The following NPHP4 variants were observed in gnomAD, a reference collection of about 807,000 sequenced individuals.
NPHP4 encodes the protein nephrocystin-4.
Under a neutral mutation model 155.8 loss-of-function variants are expected in NPHP4, and 151 were observed. That is an observed-to-expected ratio of 0.97 (90% CI 0.85 to 1.11). NPHP4 has a LOEUF of 1.11. Ranked by LOEUF, NPHP4 falls within the 50% of genes least tolerant of loss-of-function variation. NPHP4 has a pLI of 0.00. For synonymous variants in NPHP4, 845 were observed against 816.8 expected (o/e 1.03, Z -0.59); for missense variants, 1,956 against 1,925.7 (o/e 1.02, Z -0.29).
chr1:5,872,747 A>C (rs1257359552), intron 23 of NPHP4, among the ~76,000 whole-genome samples: 1 of 152,252 alleles, frequency 6.6e-6, no homozygotes, highest in Non-Finnish European at 1.5e-5. Context: ...CTACCGAATA[A>C]AAAACAACCT....
At chr1:5,930,252 T>G (rs1156513721) in intron 10 of NPHP4, among the ~76,000 whole-genome samples, 1 of 152,218 alleles carries the variant, frequency 6.6e-6, no homozygotes, top group African/African-American at 2.4e-5. Flanking sequence ...CTTGTTTCAC[T>G]GGGTTTTTGC....
intron 11 of NPHP4, among the ~76,000 whole-genome samples, chr1:5,909,716 C>G (rs534856714): frequency 6.6e-6 from 1 of 152,284 alleles, no homozygotes; most frequent in South Asian, 2.1e-4. Flanking sequence ...ATTCTCCATG[C>G]AGGCCCGGTA....
chr1:5,948,211 T>C lies in NPHP4; in HGVS notation c.851A>G (p.Glu284Gly). Residue 284 changes from glutamate to glycine, a missense_variant, in exon 8 of 30, where the codon GAG becomes GGG. Glu to Gly is a moderately conservative substitution (Grantham distance 98, BLOSUM62 -2). Transcript: ENST00000378156. ...PLDGGALEIL[E>G]RRLRVGVHNG... ...GTGCACGCCCACACGCAGGCGCCGCTCCAGGATCTCCAGGGCACCACCGTC... is the reference window on the plus strand; with the variant it reads ...GTGCACGCCCACACGCAGGCGCCGCCCCAGGATCTCCAGGGCACCACCGTC... 6.3e-7 allele frequency: 1 copy of C among 1,596,410 alleles called. No individual in the cohort carries two copies. Among genetic ancestry groups the C allele is most frequent in the Non-Finnish European group, 8.5e-7 (1 of 1,173,778 alleles).
chr1:5,936,096 C>T (rs914930444), intron 9 of NPHP4, among the ~76,000 whole-genome samples: 1 of 152,144 alleles, frequency 6.6e-6, no homozygotes, highest in Non-Finnish European at 1.5e-5. Flanking sequence ...TCTAATTTTC[C>T]AATTTCACAG....
chr1:5,935,316 C>T (rs1646480955), intron 9 of NPHP4, among the ~76,000 whole-genome samples: 1 of 152,322 alleles, frequency 6.6e-6, no homozygotes, highest in East Asian at 1.9e-4. Context: ...GTTACTGCCA[C>T]ATTCACGCCC....
Position 5,863,885 on chromosome 1 carries a change from C to A in NPHP4, c.4140+5G>T. ...CTAGGAGTCCCAGGCACAGCCCCAC[C>A]ACACCTGGAAGGAGTCCTCTCTGAA... On this transcript the variant is annotated splice_donor_5th_base_variant and intron_variant, in intron 29 of 29. Transcript: ENST00000378156. 1 of 1,613,808 alleles carries A rather than the reference C, an allele frequency of 6.2e-7. No individual in the cohort carries two copies. Among genetic ancestry groups the A allele is most frequent in the Non-Finnish European group, 8.5e-7 (1 of 1,179,846 alleles).
chr1:5,985,296 G>A (rs747852851), intron 2 of NPHP4, among the ~76,000 whole-genome samples: 19 of 152,220 alleles, frequency 1.2e-4, no homozygotes, highest in Non-Finnish European at 1.8e-4. Context: ...CATTCCCACC[G>A]GCCACTGGGC....
chr1:5,974,265 C>T (rs1329461401), intron 3 of NPHP4, among the ~76,000 whole-genome samples: 2 of 152,192 alleles, frequency 1.3e-5, no homozygotes, highest in Non-Finnish European at 2.9e-5. Flanking sequence ...GCTGCTTTGG[C>T]GACACTGGGG....
At chr1:5,917,612 T>C (rs1645541888) in intron 11 of NPHP4, among the ~76,000 whole-genome samples, 1 of 152,192 alleles carries the variant, frequency 6.6e-6, no homozygotes, top group Admixed American at 6.5e-5. Context: ...GATTAATTCA[T>C]TCACTCTACA....
At chr1:5,936,014 A>G (rs1333983547) in intron 9 of NPHP4, among the ~76,000 whole-genome samples, 1 of 152,252 alleles carries the variant, frequency 6.6e-6, no homozygotes, top group African/African-American at 2.4e-5. Context: ...AAAACAAAAT[A>G]AAGTAAAATA....
In NPHP4 at chr1:5,958,184, A is replaced by G. The variant is rs1188540447; in HGVS notation, c.673+3610T>C. On this transcript the variant is annotated intron_variant, in intron 6 of 29. Coordinates refer to ENST00000378156, the MANE Select transcript of NPHP4 (RefSeq NM_015102.5). ...ACTTCGTGGTTTTAAAACGCTCTTT[A>G]GCATATTGTATAAAAGGGGCAAACA... 3.3e-5 allele frequency among the ~76,000 whole-genome samples: 5 copies of G among 152,380 alleles called. No homozygotes were observed. In the South Asian group the frequency reaches 8.3e-4, roughly 25 times the overall value.
chr1:5,898,587 G>A lies in NPHP4; in HGVS notation c.2143+6030C>T, dbSNP rs145343937. Among the ~76,000 whole-genome samples, 389 of 152,326 alleles carry A rather than the reference G, an allele frequency of 2.6e-3. 1 individual carries two copies. The highest frequency in any genetic ancestry group is 4.1e-3 in the Non-Finnish European group (276 of 68,024). ...CTCTGAGTGGATCTTCCTCCTGATC[G>A]GGACATGGCAAAGGCCTGGGAAGCT... On this transcript the variant is annotated intron_variant, in intron 16 of 29. Coordinates refer to ENST00000378156, the MANE Select transcript of NPHP4 (RefSeq NM_015102.5).
In NPHP4 at chr1:5,875,004, T is replaced by A; in HGVS notation, c.2914A>T (p.Ser972Cys). The change falls in exon 21 of 30, where the codon AGC (serine) becomes TGC (cysteine). Residue 972 changes from serine (S) to cysteine (C), a missense_variant. Physicochemically the swap from Ser to Cys is moderately radical, Grantham distance 112. Coordinates refer to ENST00000378156, the MANE Select transcript of NPHP4 (RefSeq NM_015102.5). ...GTGTGCTCCGTGGTGATGGCCAGGC[T>A]CAGCAGGCTGGCGATGCTCTCGGCC... ...TKAESIASLL[S>C]LAITTEHTLH... 1 of 1,612,108 alleles carries A rather than the reference T, an allele frequency of 6.2e-7. No homozygotes were observed. Among genetic ancestry groups the A allele is most frequent in the Non-Finnish European group, 8.5e-7 (1 of 1,179,864 alleles).
intron 16 of NPHP4, among the ~76,000 whole-genome samples, chr1:5,899,894 CT>C (rs565319805): frequency 1.3e-3 from 198 of 152,358 alleles, no homozygotes; most frequent in African/African-American, 4.4e-3. Flanking sequence ...AAAAAGACAT[CT>C]GTTCAGGTAT....
chr1:5,958,848 C>A (rs1198634084), intron 6 of NPHP4, among the ~76,000 whole-genome samples: 2 of 54,964 alleles, frequency 3.6e-5, no homozygotes, highest in East Asian at 6.2e-4. Context: ...AAGAGCCAGA[C>A]CCTGTCTCAA....
chr1:5,958,503 T>C (rs1171145098), intron 6 of NPHP4, among the ~76,000 whole-genome samples: 1 of 152,298 alleles, frequency 6.6e-6, no homozygotes, highest in East Asian at 1.9e-4. Flanking sequence ...GAGACCTGCC[T>C]GGCCAACGTG....
At chr1:5,879,510 CTA>C (rs1247461486) in intron 19 of NPHP4, 2 of 518,716 alleles carry the variant, frequency 3.9e-6, no homozygotes, top group Non-Finnish European at 7.7e-6. Flanking sequence ...GAAAATCAGT[CTA>C]TGTTCCTCCT....
At chr1:5,918,912 C>CT (rs1645600823) in intron 11 of NPHP4, among the ~76,000 whole-genome samples, 1 of 152,158 alleles carries the variant, frequency 6.6e-6, no homozygotes, top group African/African-American at 2.4e-5. Flanking sequence ...CAGGTCTTGC[C>CT]TTTTGTTTAA....
At chr1:5,874,846 G>A (rs1188721497) in intron 21 of NPHP4, 28 bp downstream of exon 21, 3 of 1,599,638 alleles carry the variant, frequency 1.9e-6, no homozygotes, top group Non-Finnish European at 1.7e-6. Flanking sequence ...TCTGGGCTGG[G>A]GCAGGACGGG....
Sources: gnomAD v4.1 joint callset for allele counts (sites outside exome capture counted in the v4.1 genomes callset) on GRCh38, gnomAD v4.1.1 for gene constraint, MANE v1.5 for transcripts, NCBI Gene and HGNC (gene_info 2026-07-23, HGNC 2026-07-21) for gene names.